AGAP1: variants seen among roughly 807,000 people sequenced by gnomAD.
The protein encoded by AGAP1 is ArfGAP with GTPase domain, ankyrin repeat and PH domain 1, also known as arf-GAP with GTPase, ANK repeat and PH domain-containing protein 1.
In AGAP1, 29 loss-of-function variants were observed where a neutral mutation model predicts 105.3. That is an observed-to-expected ratio of 0.28 (90% CI 0.21 to 0.38). The LOEUF (loss-of-function observed/expected upper bound fraction) is 0.38. Ranked by LOEUF, AGAP1 falls within the 10% of genes least tolerant of loss-of-function variation. The pLI is 1.00. For synonymous variants in AGAP1, 509 were observed against 485.9 expected, an observed-to-expected ratio of 1.05 and a Z score of -0.63; for missense variants, 998 against 1,165.1, an observed-to-expected ratio of 0.86 and a Z score of 2.09.
chr2:235,613,540 G>A (rs893361510), intron 1 of AGAP1, among the ~76,000 whole-genome samples: 3 of 152,110 alleles, frequency 2.0e-5, no homozygotes, highest in African/African-American at 7.2e-5. Context: ...TTCTCCTTAA[G>A]GAGATAGAGG....
rs756083329 is a variant in AGAP1 at position 236,000,719 on chromosome 2, GC to G, written c.1645+32100del. Among the ~76,000 whole-genome samples, 2 of 152,246 alleles carry G rather than the reference GC, an allele frequency of 1.3e-5. No individual in the cohort carries two copies. The highest frequency in any genetic ancestry group is 2.9e-5 in the Non-Finnish European group (2 of 68,046). On this transcript the variant is annotated intron_variant, in intron 13 of 17. Transcript: ENST00000304032. The surrounding 1 kb of genome is among the most constrained non-coding windows in gnomAD (Gnocchi z 4.3). Reference sequence around the variant, plus strand: ...TAGTGGCACATGCCTGAGGCAATCAGCCCCGATGGTGTGGCGGGGCAGGTAC... The same window carrying G: ...TAGTGGCACATGCCTGAGGCAATCAGCCCGATGGTGTGGCGGGGCAGGTAC...
rs1210412378 is a variant in AGAP1 at position 235,752,154 on chromosome 2, C to G, written c.673+1666C>G. Among the ~76,000 whole-genome samples, 1 of 152,168 alleles carries G rather than the reference C, an allele frequency of 6.6e-6. No individual in the cohort carries two copies. Among genetic ancestry groups the G allele is most frequent in the African/African-American group, 2.4e-5 (1 of 41,436 alleles). The stretch of plus-strand genomic sequence containing the variant: ...AGGGTCCCCAGGCCCGTGCATGAGG[C>G]CAGCTGCCTGTTTTCATAAATAGAC... On this transcript the variant is annotated intron_variant, in intron 6 of 17. Coordinates refer to ENST00000304032, the MANE Select transcript of AGAP1 (RefSeq NM_001037131.3). This position sits in a 1 kb window ranked among gnomAD's most constrained non-coding sequence, Gnocchi z 4.3.
At chr2:235,765,825 CTGGGAA>C (rs1199729655) in intron 6 of AGAP1, among the ~76,000 whole-genome samples, 1 of 152,182 alleles carries the variant, frequency 6.6e-6, no homozygotes, top group African/African-American at 2.4e-5. Context: ...CATCTGGGTA[CTGGGAA>C]ATACTCCCAT....
chr2:235,988,112 G>A lies in AGAP1; in HGVS notation c.1645+19489G>A, dbSNP rs941230318. On this transcript the variant is annotated intron_variant, in intron 13 of 17. Transcript: ENST00000304032. This position sits in a 1 kb window ranked among gnomAD's most constrained non-coding sequence, Gnocchi z 4.7. ...GGCTGGAGTGTGGTGGCATGATCTC[G>A]GCTCACTGAAGCCTCCACCTCCAAA... is the stretch of plus-strand genomic sequence containing the variant. 2.3e-4 allele frequency among the ~76,000 whole-genome samples: 35 copies of A among 152,068 alleles called. No homozygotes were observed. The highest frequency in any genetic ancestry group is 6.3e-4 in the African/African-American group (26 of 41,396).
chr2:235,949,788 C>T (rs1223648230), intron 12 of AGAP1, among the ~76,000 whole-genome samples: 9 of 152,182 alleles, frequency 5.9e-5, no homozygotes, highest in Non-Finnish European at 1.5e-5. Context: ...GCCGCACCCC[C>T]GAGCACGTGG....
Position 235,782,966 on chromosome 2 carries a change from G to A in AGAP1, c.674-14793G>A, listed in dbSNP as rs578095955. On this transcript the variant is annotated intron_variant, in intron 6 of 17. Coordinates refer to ENST00000304032, the MANE Select transcript of AGAP1 (RefSeq NM_001037131.3). Reference sequence around the variant, plus strand: ...TTTTCAGCTGTAAGTGCAATAAATTGTGGTTTGTTTATTTTAGTTTTTAAC... The same window carrying A: ...TTTTCAGCTGTAAGTGCAATAAATTATGGTTTGTTTATTTTAGTTTTTAAC... Among the ~76,000 whole-genome samples, 5 of 152,106 alleles carry A rather than the reference G, an allele frequency of 3.3e-5. 1 individual carries two copies. In the South Asian group the frequency reaches 1.0e-3, roughly 32 times the overall value.
chr2:235,679,820 T>C (rs10929145), intron 1 of AGAP1, among the ~76,000 whole-genome samples: 111,747 of 152,200 alleles, frequency 0.73, 42,304 homozygotes, highest in African/African-American at 0.92. Context: ...GCGTGACTTT[T>C]AGTCTTCAGA....
At chr2:235,912,099 G>A (rs28569406) in intron 11 of AGAP1, among the ~76,000 whole-genome samples, 47,374 of 152,118 alleles carry the variant, frequency 0.31, 8,368 homozygotes, top group Admixed American at 0.45. Flanking sequence ...AGCCATGGGC[G>A]GAGGCACTTC....
rs1187065060 is a variant in AGAP1 at position 235,822,828 on chromosome 2, A to AG, written c.1050+15501dup. Reference sequence around the variant, plus strand: ...GGTGGCAGTTCTAGAACTGAACAAGAGGGGCTTCCTGGTCGTGGACCCCGA... The same window carrying AG: ...GGTGGCAGTTCTAGAACTGAACAAGAGGGGGCTTCCTGGTCGTGGACCCCGA... On this transcript the variant is annotated intron_variant, in intron 9 of 17. Transcript: ENST00000304032. Among the ~76,000 whole-genome samples, 4 of 152,172 alleles carry AG rather than the reference A, an allele frequency of 2.6e-5. 1 individual carries two copies. The highest frequency in any genetic ancestry group is 2.6e-4 in the Admixed American group (4 of 15,276).
intron 6 of AGAP1, among the ~76,000 whole-genome samples, chr2:235,764,367 C>T (rs868426374): frequency 2.6e-5 from 4 of 152,164 alleles, no homozygotes; most frequent in South Asian, 2.1e-4. Flanking sequence ...AGCCCCTCCC[C>T]GTTGCCCATG....
At chr2:235,591,857 C>T (rs114885288) in intron 1 of AGAP1, among the ~76,000 whole-genome samples, 36 of 148,596 alleles carry the variant, frequency 2.4e-4, no homozygotes, top group Non-Finnish European at 4.8e-4. Flanking sequence ...CCCACCCCCA[C>T]CCCCCACCAC....
chr2:235,521,940 G>C (rs539843925), intron 1 of AGAP1, among the ~76,000 whole-genome samples: 1 of 152,092 alleles, frequency 6.6e-6, no homozygotes, highest in Non-Finnish European at 1.5e-5. Flanking sequence ...TCCATAATAA[G>C]TGTGCCACCA....
At chr2:235,943,291 T>C (rs2053344126) in intron 12 of AGAP1, among the ~76,000 whole-genome samples, 1 of 152,100 alleles carries the variant, frequency 6.6e-6, no homozygotes, top group South Asian at 2.1e-4. Flanking sequence ...CAAATCTTTT[T>C]CATTTCCTCC....
At chr2:235,998,117 G>A (rs947751363) in intron 13 of AGAP1, among the ~76,000 whole-genome samples, 3 of 152,156 alleles carry the variant, frequency 2.0e-5, no homozygotes, top group East Asian at 1.9e-4. Context: ...AATAACCACC[G>A]TGGACTGCCA....
intron 1 of AGAP1, among the ~76,000 whole-genome samples, chr2:235,604,281 AC>A (rs1945840979): frequency 6.6e-6 from 1 of 151,980 alleles, no homozygotes; most frequent in African/African-American, 2.4e-5. Context: ...GGGATTTGAG[AC>A]CAGGCTGGGC....
chr2:235,998,588 ATGG>A (rs2055915997), intron 13 of AGAP1, among the ~76,000 whole-genome samples: 1 of 148,188 alleles, frequency 6.7e-6, no homozygotes, highest in African/African-American at 2.4e-5. Context: ...ATATAAGTCT[ATGG>A]TAAGTGCTCA....
chr2:236,049,511 TC>T (rs34982770), intron 16 of AGAP1: 8,206 of 465,114 alleles, frequency 0.018, 527 homozygotes, highest in African/African-American at 0.14. Flanking sequence ...GGGATTTCTC[TC>T]CCCCCTCTTA....
At chr2:235,670,530 C>T (rs886329516) in intron 1 of AGAP1, 6 of 484,036 alleles carry the variant, frequency 1.2e-5, no homozygotes, top group African/African-American at 2.1e-5. Flanking sequence ...GTGGAGGGGG[C>T]CCGGGCCGCG....
chr2:236,049,527 T>C, intron 16 of AGAP1: 5 of 437,900 alleles, frequency 1.1e-5, no homozygotes, highest in Non-Finnish European at 2.1e-5. Context: ...CTCTTAGAAA[T>C]GTATTAAGCT....
Sources: gnomAD v4.1 joint callset for allele counts (sites outside exome capture counted in the v4.1 genomes callset) on GRCh38, gnomAD v4.1.1 for gene constraint, Gnocchi (gnomAD v3.1) non-coding constraint, MANE v1.5 for transcripts, NCBI Gene and HGNC (gene_info 2026-07-23, HGNC 2026-07-21) for gene names.